Variants in C1orf141 observed in about 807,000 individuals in gnomAD.
C1orf141 encodes uncharacterized protein C1orf141.
Under a neutral mutation model 23.2 loss-of-function variants are expected in C1orf141, and 19 were observed. The ratio of observed to expected loss-of-function variants is 0.82; its 90% CI spans 0.57 to 1.20. The LOEUF is 1.20. C1orf141 is among the 50% of genes most tolerant of loss of function. The pLI is 0.00. For missense variants in C1orf141, 469 were observed against 455.1 expected (o/e 1.03, Z -0.28); for synonymous variants, 153 against 154.6 (o/e 0.99, Z 0.08).
At chr1:67,114,241 T>G (rs2102463918) in intron 5 of C1orf141, among the ~76,000 whole-genome samples, 1 of 152,098 alleles carries the variant, frequency 6.6e-6, no homozygotes, top group Admixed American at 6.5e-5. Flanking sequence ...CCTTGAATGC[T>G]TTAGTATGTT....
intron 1 of C1orf141, among the ~76,000 whole-genome samples, chr1:67,134,723 G>C (rs1230806612): frequency 1.3e-5 from 2 of 152,238 alleles, no homozygotes; most frequent in African/African-American, 4.8e-5. Context: ...ACCTGGAAGA[G>C]CCCCCCGGGC....
intron 5 of C1orf141, among the ~76,000 whole-genome samples, chr1:67,105,704 GA>G (rs1165436525): frequency 6.6e-6 from 1 of 151,940 alleles, no homozygotes; most frequent in Non-Finnish European, 1.5e-5. Context: ...TAAGGTCCTG[GA>G]GAATAAACAA....
chr1:67,105,858 G>A (rs115562978), intron 5 of C1orf141, among the ~76,000 whole-genome samples: 1,727 of 152,288 alleles, frequency 0.011, 27 homozygotes, highest in African/African-American at 0.04. Context: ...GAAAAACCAC[G>A]TTGTTTCTGG....
chr1:67,131,620 C>T (rs1646517030), intron 1 of C1orf141, among the ~76,000 whole-genome samples: 1 of 152,098 alleles, frequency 6.6e-6, no homozygotes, highest in Non-Finnish European at 1.5e-5. Flanking sequence ...TCCTCCTTCC[C>T]CTTTCTGTTC....
At chr1:67,127,523 G>A (rs1646438335) in intron 2 of C1orf141, among the ~76,000 whole-genome samples, 2 of 152,124 alleles carry the variant, frequency 1.3e-5, no homozygotes, top group Admixed American at 1.3e-4. Context: ...CGATTACCAT[G>A]AGAACCATAT....
chr1:67,102,053 C>A (rs146954408), intron 5 of C1orf141, among the ~76,000 whole-genome samples: 1 of 152,076 alleles, frequency 6.6e-6, no homozygotes, highest in Non-Finnish European at 1.5e-5. Context: ...TCTTTCCTGG[C>A]TCAATAGAGT....
At chr1:67,123,077 C>G (rs537670632) in intron 4 of C1orf141, 2 of 152,174 alleles carry the variant, frequency 1.3e-5, no homozygotes, top group East Asian at 3.9e-4. Context: ...GTGGCACATG[C>G]CTGTAGTCCC....
intron 6 of C1orf141, 157 bp from the exon 7 acceptor site, chr1:67,095,578 G>T: frequency 3.8e-6 from 2 of 530,034 alleles, no homozygotes; most frequent in Non-Finnish European, 6.6e-6. Context: ...CGTCCTGCCT[G>T]GTTTGTGGGA....
chr1:67,122,069 T>C (rs893782346), intron 4 of C1orf141: 1 of 152,288 alleles, frequency 6.6e-6, no homozygotes, highest in Non-Finnish European at 1.5e-5. Context: ...GGAGTTTCAC[T>C]CTTGGTGCCC....
chr1:67,119,838 C>T (rs1299677233), intron 4 of C1orf141, among the ~76,000 whole-genome samples: 1 of 152,234 alleles, frequency 6.6e-6, no homozygotes, highest in African/African-American at 2.4e-5. Flanking sequence ...TTTTTCAAGA[C>T]AAGGGAAGAA....
At position 67,092,916 on chromosome 1, in the gene C1orf141, C is replaced by T; in HGVS notation, c.*89G>A. 1 of 1,010,540 alleles carries T rather than the reference C, an allele frequency of 9.9e-7. No homozygotes were observed. The highest frequency in any genetic ancestry group is 1.7e-5 in the South Asian group (1 of 59,266). The allele number at this position is 1,010,540 out of a possible 1,614,324, so 62.6% of individuals were successfully genotyped here. ...TGCTTTCTTATATGATCAATTAGAA[C>T]ATTACTATTTGGATAAGAATTTCTT... On this transcript the variant is annotated 3_prime_UTR_variant, in exon 8 of 8. Coordinates refer to ENST00000684719, the MANE Select transcript of C1orf141 (RefSeq NM_001276351.2).
chr1:67,125,921 C>CA lies in C1orf141; in HGVS notation c.76-13_76-12insT. 1 of 1,310,160 alleles carries CA rather than the reference C, an allele frequency of 7.6e-7. No individual in the cohort carries two copies. The highest frequency in any genetic ancestry group is 1.0e-6 in the Non-Finnish European group (1 of 995,412). The allele number at this position is 1,310,160 out of a possible 1,614,324, so 81.2% of individuals were successfully genotyped here. On this transcript the variant is annotated splice_polypyrimidine_tract_variant and intron_variant, in intron 3 of 7. Transcript: ENST00000684719. ...TGAAGCCTGTTTATCTGCAGCAATGCCAAAGTGAAAAAAAAAAAAAAAAAA... is the reference window on the plus strand; with the variant it reads ...TGAAGCCTGTTTATCTGCAGCAATGCACAAAGTGAAAAAAAAAAAAAAAAAA...
chr1:67,127,591 A>AT (rs1646440401), intron 2 of C1orf141, among the ~76,000 whole-genome samples: 2 of 152,190 alleles, frequency 1.3e-5, no homozygotes, highest in Admixed American at 6.5e-5. Flanking sequence ...TTCTTTTTAA[A>AT]TTTTTTTAAT....
At chr1:67,136,347 G>A (rs943402477), upstream of C1orf141, among the ~76,000 whole-genome samples, 1 of 152,104 alleles carries the variant, frequency 6.6e-6, no homozygotes, top group Non-Finnish European at 1.5e-5. Flanking sequence ...ACTGGCCAAG[G>A]TAGCTTGATT....
intron 5 of C1orf141, chr1:67,103,134 C>G: frequency 1.8e-6 from 1 of 571,216 alleles, no homozygotes; most frequent in Non-Finnish European, 2.8e-6. Context: ...GTAGTATGAT[C>G]AAAGACGAAT....
intron 4 of C1orf141, among the ~76,000 whole-genome samples, chr1:67,117,449 A>G (rs901680373): frequency 1.3e-5 from 2 of 152,168 alleles, no homozygotes; most frequent in African/African-American, 2.4e-5. Context: ...TATTGAATGC[A>G]TAAGATTTTT....
rs763863587 is a variant in C1orf141, at chr1:67,093,298, G to T, written c.910C>A (p.Gln304Lys). The change falls in exon 8 of 8, where the codon CAG (glutamine) becomes AAG (lysine). Residue 304 changes from glutamine (Q) to lysine (K), a missense_variant. Coordinates refer to ENST00000684719, the MANE Select transcript of C1orf141 (RefSeq NM_001276351.2). ...TTCCAAGATCTGTTTTCTAGTGTCT[G>T]CTTATTAGTTTTCTTCTTTAGTTTA... Reference protein sequence around the residue: ...DDKLKKKTNKQTLENRSWNTL... With the variant: ...DDKLKKKTNKKTLENRSWNTL... 6.2e-7 allele frequency: 1 copy of T among 1,613,520 alleles called. No individual in the cohort carries two copies.
chr1:67,105,650 C>CACACACAG (rs1645909619), intron 5 of C1orf141, among the ~76,000 whole-genome samples: 1 of 151,942 alleles, frequency 6.6e-6, no homozygotes, highest in Non-Finnish European at 1.5e-5. Flanking sequence ...CACACAGACA[C>CACACACAG]ACACACAGAC....
chr1:67,129,237 C>T (rs1007531075), intron 2 of C1orf141, among the ~76,000 whole-genome samples: 2 of 151,816 alleles, frequency 1.3e-5, no homozygotes, highest in African/African-American at 4.8e-5. Flanking sequence ...AGGAGGATTG[C>T]TTGACCCTAG....
Sources: gnomAD v4.1 joint callset for allele counts (sites outside exome capture counted in the v4.1 genomes callset) on GRCh38, gnomAD v4.1.1 for gene constraint, MANE v1.5 for transcripts, NCBI Gene and HGNC (gene_info 2026-07-23, HGNC 2026-07-21) for gene names.